ENAM: variants seen among roughly 807,000 people sequenced by gnomAD.
The protein encoded by ENAM is enamelin.
In ENAM, 21 loss-of-function variants were observed where a neutral mutation model predicts 33.6. The ratio of observed to expected loss-of-function variants is 0.63; its 90% confidence interval spans 0.44 to 0.90. The LOEUF (loss-of-function observed/expected upper bound fraction) is 0.90, where lower values mean the gene tolerates loss of function less well. ENAM is among the 40% of genes least tolerant of loss of function. The probability of loss-of-function intolerance (pLI) is 0.00; values close to 1 mark genes in which losing one functional copy is unlikely to be tolerated. For synonymous variants in ENAM, 473 were observed against 468.4 expected (o/e 1.01, Z -0.13); for missense variants, 1,388 against 1,366.9 (o/e 1.02, Z -0.24).
rs939219339 is a variant in ENAM, at chr4:70,637,815, G to C, written c.560G>C (p.Arg187Pro). ...AGGTTACCACCACCAGGTTATGGAC[G>C]CCCACCAATCAGCAATGAAGAAGGG... is the stretch of plus-strand genomic sequence containing the variant. ...PQRLPPPGYG[R>P]PPISNEEGGN... The change falls in exon 8 of 9, where the codon CGC becomes CCC. Residue 187 changes from arginine (R) to proline (P), a missense_variant. By Grantham distance (103) the Arg-to-Pro change is moderately radical. Coordinates refer to ENST00000396073, the MANE Select transcript of ENAM (RefSeq NM_031889.3). The C allele has an allele frequency of 6.2e-7, 1 of 1,613,536 alleles. No individual in the cohort carries two copies. Among genetic ancestry groups the C allele is most frequent in the Admixed American group, 1.7e-5 (1 of 59,998 alleles).
At chr4:70,640,920 C>T (rs189880165) in intron 8 of ENAM, among the ~76,000 whole-genome samples, 1 of 152,248 alleles carries the variant, frequency 6.6e-6, no homozygotes, top group East Asian at 1.9e-4. Context: ...CACTCTCAGC[C>T]TCTAATACTC....
At position 70,634,523 on chromosome 4, in the gene ENAM, A is replaced by T; in HGVS notation, c.426A>T (p.Pro142=). 6.2e-7 allele frequency: 1 copy of T among 1,614,200 alleles called. No individual in the cohort carries two copies. ...CACAAAAGCGGCCTTTGAAGCAGCCATCACATAATCAACCTCAGCCCGAAG... is the reference window on the plus strand; with the variant it reads ...CACAAAAGCGGCCTTTGAAGCAGCCTTCACATAATCAACCTCAGCCCGAAG... ...KPPQKRPLKQ[P]SHNQPQPEEE... is the part of the protein sequence containing the mutation. The change falls in exon 6 of 9, where the codon CCA becomes CCT. Residue 142 remains proline, a synonymous_variant. Transcript: ENST00000396073.
At position 70,643,021 on chromosome 4, in the gene ENAM, A is replaced by C; in HGVS notation, c.1595A>C (p.Glu532Ala). The change falls in exon 9 of 9, where the codon GAA becomes GCA. Residue 532 changes from glutamate to alanine, a missense_variant. By Grantham distance (107) the Glu-to-Ala change is moderately radical. Transcript: ENST00000396073. ...LGSRRMPYES[E>A]TNQSELKHSS... ...TCAAGAAGGATGCCATATGAATCAG[A>C]AACTAATCAGTCAGAATTAAAGCAC... 1.2e-6 allele frequency: 2 copies of C among 1,614,168 alleles called. No individual in the cohort carries two copies. Among genetic ancestry groups the C allele is most frequent in the Non-Finnish European group, 1.7e-6 (2 of 1,180,032 alleles).
Position 70,645,236 on chromosome 4 carries a change from T to TTA in ENAM, c.*381_*382insTA. The TTA allele has an allele frequency of 4.2e-5, 9 of 213,808 alleles. No homozygotes were observed. Among genetic ancestry groups the TTA allele is most frequent in the African/African-American group, 1.2e-4 (5 of 41,196 alleles). 13.2% of individuals were successfully genotyped at this position (213,808 alleles called of 1,614,324 possible). ...AGGCAGATTAACTTTCCATTCTACT[T>TTA]ATGGAGATCCACACATCAGTATAGT... On this transcript the variant is annotated 3_prime_UTR_variant, in exon 9 of 9. Transcript: ENST00000396073.
intron 6 of ENAM, 47 bp downstream of exon 6, chr4:70,634,615 A>C: frequency 6.3e-7 from 1 of 1,590,908 alleles, no homozygotes; most frequent in Non-Finnish European, 8.6e-7. Context: ...GGCCTCGGAG[A>C]GATTTGGAGG....
chr4:70,644,386 A>T lies in ENAM; in HGVS notation c.2960A>T (p.Lys987Ile), dbSNP rs907691751. 1 of 1,614,116 alleles carries T rather than the reference A, an allele frequency of 6.2e-7. No individual in the cohort carries two copies. The highest frequency in any genetic ancestry group is 1.3e-5 in the African/African-American group (1 of 74,944). Residue 987 changes from lysine to isoleucine, a missense_variant, in exon 9 of 9, where the codon AAA becomes ATA. By Grantham distance (102) the Lys-to-Ile change is moderately radical. Coordinates refer to ENST00000396073, the MANE Select transcript of ENAM (RefSeq NM_031889.3). The part of the protein sequence containing the change: ...SLQSKNTPCL[K>I]NDLGGDGNNI... Reference sequence around the variant, plus strand: ...CAATCAAAGAATACACCTTGTCTCAAAAATGATCTTGGAGGAGATGGGAAC... The same window carrying T: ...CAATCAAAGAATACACCTTGTCTCATAAATGATCTTGGAGGAGATGGGAAC...
intron 7 of ENAM, chr4:70,637,546 A>G (rs1420370853): frequency 9.5e-6 from 5 of 527,270 alleles, no homozygotes; most frequent in South Asian, 8.5e-5. Flanking sequence ...GCAGCCATAC[A>G]GAGTATTTTA....
chr4:70,636,092 T>A (rs1738446557), intron 7 of ENAM, among the ~76,000 whole-genome samples, 198 bp downstream of exon 7: 1 of 152,144 alleles, frequency 6.6e-6, no homozygotes, highest in Admixed American at 6.5e-5. Flanking sequence ...ATTGGTGACA[T>A]AAATACAACC....
At chr4:70,637,957 G>A in intron 8 of ENAM, 114 bp downstream of exon 8, 1 of 829,718 alleles carries the variant, frequency 1.2e-6, no homozygotes, top group Non-Finnish European at 2.0e-6. Flanking sequence ...TGTAGCTCAA[G>A]CTTCCGTGAT....
Position 70,638,449 on chromosome 4 carries a change from CTTTTTTTT to C in ENAM, c.588+626_588+633del, listed in dbSNP as rs766513652. Among the ~76,000 whole-genome samples, 19 of 58,910 alleles carry C rather than the reference CTTTTTTTT, an allele frequency of 3.2e-4. No individual in the cohort carries two copies. In the South Asian group the frequency reaches 0.01, roughly 32 times the overall value. 38.6% of individuals were successfully genotyped at this position (58,910 alleles called of 152,430 possible). ...ACTGGAGAGTGGGCGACAGATTGTT[CTTTTTTTT>C]TTTTTTTTTTTTTTTTTTTGAGACA... On this transcript the variant is annotated intron_variant, in intron 8 of 8. Coordinates refer to ENST00000396073, the MANE Select transcript of ENAM (RefSeq NM_031889.3).
intron 4 of ENAM, 43 bp from the exon 5 acceptor site, chr4:70,632,608 A>G (rs763048109): frequency 4.4e-5 from 61 of 1,401,724 alleles, no homozygotes; most frequent in Non-Finnish European, 5.6e-5. Flanking sequence ...GATTTAATAA[A>G]AGTTTCACTT....
chr4:70,642,239 A>G lies in ENAM; in HGVS notation c.813A>G (p.Gly271=). The change falls in exon 9 of 9, where the codon GGA becomes GGG. Residue 271 remains glycine (G), a synonymous_variant. Coordinates refer to ENST00000396073, the MANE Select transcript of ENAM (RefSeq NM_031889.3). ...GAGGAAATGACACCAGCCCCACAGG[A>G]AACAGTACCCCAGGACTAAACACTG... ...SQGGNDTSPT[G]NSTPGLNTGN... The G allele has an allele frequency of 1.9e-6, 3 of 1,614,174 alleles. No homozygotes were observed. In the East Asian group the frequency reaches 6.7e-5, roughly 36 times the overall value.
intron 6 of ENAM, among the ~76,000 whole-genome samples, chr4:70,635,341 C>T (rs569023814): frequency 6.6e-6 from 1 of 152,036 alleles, no homozygotes; most frequent in Non-Finnish European, 1.5e-5. Context: ...CACGCCACTG[C>T]ACTCCAGCCT....
chr4:70,629,507 G>C lies in ENAM; in HGVS notation c.7G>C (p.Val3Leu). The C allele has an allele frequency of 6.2e-7, 1 of 1,613,108 alleles. No individual in the cohort carries two copies. Among genetic ancestry groups the C allele is most frequent in the Non-Finnish European group, 8.5e-7 (1 of 1,179,332 alleles). The change falls in exon 2 of 9, where the codon GTG becomes CTG. Residue 3 changes from valine to leucine, a missense_variant. Physicochemically the swap from Val to Leu is conservative, Grantham distance 32 (BLOSUM62 1). Transcript: ENST00000396073. ...AAAAATTTTGCTGAAAAAAATGTTG[G>C]TGCTTCGGTGCAGGCTTGGAACCTC... The part of the protein sequence containing the change: ML[V>L]LRCRLGTSFP...
chr4:70,643,888 C>T lies in ENAM; in HGVS notation c.2462C>T (p.Pro821Leu). The T allele has an allele frequency of 6.2e-7, 1 of 1,614,160 alleles. No homozygotes were observed. Among genetic ancestry groups the T allele is most frequent in the Non-Finnish European group, 8.5e-7 (1 of 1,180,018 alleles). Residue 821 changes from proline to leucine, a missense_variant, in exon 9 of 9, where the codon CCA (proline) becomes CTA (leucine). Physicochemically the swap from Pro to Leu is moderately conservative, Grantham distance 98. Coordinates refer to ENST00000396073, the MANE Select transcript of ENAM (RefSeq NM_031889.3). Reference protein sequence around the residue: ...SNTPAGLQKNPIWHEGENLNY... With the variant: ...SNTPAGLQKNLIWHEGENLNY... ...ACCCCAGCTGGGCTTCAGAAAAATC[C>T]AATATGGCATGAAGGTGAGAATTTG...
In ENAM at chr4:70,642,063, C is replaced by T. The variant is rs369065889; in HGVS notation, c.637C>T (p.Pro213Ser). Residue 213 changes from proline to serine, a missense_variant, in exon 9 of 9, where the codon CCT becomes TCT. Pro to Ser is a moderately conservative substitution (Grantham distance 74). Coordinates refer to ENST00000396073, the MANE Select transcript of ENAM (RefSeq NM_031889.3). Reference sequence around the variant, plus strand: ...ATATCATGGCTTTGGGGGTCGCCCTCCTTATTATTCAGAAGAAATGTTTGA... The same window carrying T: ...ATATCATGGCTTTGGGGGTCGCCCTTCTTATTATTCAGAAGAAATGTTTGA... ...FGYHGFGGRP[P>S]YYSEEMFEQD... is the part of the protein sequence containing the mutation. 1.2e-4 allele frequency: 196 copies of T among 1,614,012 alleles called. No individual in the cohort carries two copies. In the Middle Eastern group the frequency reaches 1.6e-3, roughly 14 times the overall value.
intron 8 of ENAM, among the ~76,000 whole-genome samples, chr4:70,638,552 G>A (rs1375394450): frequency 6.8e-6 from 1 of 146,018 alleles, no homozygotes; most frequent in Non-Finnish European, 1.5e-5. Context: ...CTCCAGCCTG[G>A]GTGACAGAGC....
In ENAM at chr4:70,644,397, G is replaced by A. The variant is rs1738700296; in HGVS notation, c.2971G>A (p.Gly991Arg). ...KNTPCLKNDL[G>R]GDGNNILEQV... is the part of the protein sequence containing the mutation. The stretch of plus-strand genomic sequence containing the variant: ...TACACCTTGTCTCAAAAATGATCTT[G>A]GAGGAGATGGGAACAACATTCTGGA... Residue 991 changes from glycine to arginine, a missense_variant, in exon 9 of 9, where the codon GGA becomes AGA. Transcript: ENST00000396073. 2 of 1,614,032 alleles carry A rather than the reference G, an allele frequency of 1.2e-6. No individual in the cohort carries two copies. Among genetic ancestry groups the A allele is most frequent in the Non-Finnish European group, 1.7e-6 (2 of 1,180,028 alleles).
chr4:70,639,921 G>A (rs1287216515), intron 8 of ENAM, among the ~76,000 whole-genome samples: 5 of 152,106 alleles, frequency 3.3e-5, no homozygotes, highest in Admixed American at 2.0e-4. Context: ...TACCTCTTGA[G>A]GGCACTACCT....
Sources: allele counts gnomAD v4.1 joint callset (sites outside exome capture counted in the v4.1 genomes callset), GRCh38; gene constraint gnomAD v4.1.1; transcripts MANE v1.5; gene names NCBI Gene and HGNC (gene_info 2026-07-23, HGNC 2026-07-21).